Variants in SEMA6B observed in about 807,000 individuals in gnomAD.
SEMA6B encodes semaphorin-6B.
Under a neutral mutation model 78.6 loss-of-function variants are expected in SEMA6B, and 47 were observed. The ratio of observed to expected loss-of-function variants is 0.60; its 90% confidence interval spans 0.47 to 0.76. SEMA6B has a LOEUF of 0.76. SEMA6B is among the 30% of genes least tolerant of loss of function. The pLI is 0.00. For synonymous variants in SEMA6B, 632 were observed against 592.2 expected (o/e 1.07, Z -0.98); for missense variants, 1,213 against 1,269.9 (o/e 0.96, Z 0.68).
chr19:4,544,503 C>T lies in SEMA6B; in HGVS notation c.1765G>A (p.Asp589Asn), dbSNP rs766674899. Residue 589 changes from aspartate to asparagine, a missense_variant, in exon 17 of 17, where the codon GAC becomes AAC. By Grantham distance (23) the Asp-to-Asn change is conservative. Transcript: ENST00000586582. This position sits in a 1 kb window ranked among gnomAD's most constrained non-coding sequence, Gnocchi z 5.1. ...TGLLRASLSE[D>N]RAGLVSVNLL... ...TTCACCGACACCAGCCCCGCGCGGT[C>T]CTCGGAGAGGCTGGCCCGCAGGAGT... is the stretch of plus-strand genomic sequence containing the variant. 42 of 1,563,094 alleles carry T rather than the reference C, an allele frequency of 2.7e-5. No individual in the cohort carries two copies. The highest frequency in any genetic ancestry group is 3.4e-5 in the Non-Finnish European group (39 of 1,153,796).
Position 4,555,690 on chromosome 19 carries a change from C to T in SEMA6B, c.472-126G>A. On this transcript the variant is annotated intron_variant, in intron 6 of 16. Coordinates refer to ENST00000586582, the MANE Select transcript of SEMA6B (RefSeq NM_032108.4). This position sits in a 1 kb window ranked among gnomAD's most constrained non-coding sequence, Gnocchi z 6.1. ...GGATTACTGTGTGACCTTGGCCACT[C>T]ACTTAACCTCTCAGGGCCTCAGTTT... 1.3e-6 allele frequency: 1 copy of T among 782,434 alleles called. No homozygotes were observed. 48.5% of individuals were successfully genotyped at this position (782,434 alleles called of 1,614,324 possible).
At chr19:4,557,318 T>A (rs1238140810) in intron 3 of SEMA6B, 95 bp from the exon 4 acceptor site, 16 of 807,790 alleles carry the variant, frequency 2.0e-5, no homozygotes, top group Non-Finnish European at 3.1e-5. Context: ...CACGGGGGCA[T>A]GCAGGGCCAT....
In SEMA6B at chr19:4,550,763, T is replaced by A; in HGVS notation, c.1121+36A>T. ...CTCGGCCCTGGGGATCAGGACCTCA[T>A]CCGGGCATGTGACTCAGGATGGAGG... On this transcript the variant is annotated intron_variant, in intron 11 of 16. Transcript: ENST00000586582. The surrounding 1 kb of genome is among the most constrained non-coding windows in gnomAD (Gnocchi z 6.6). The A allele has an allele frequency of 6.2e-7, 1 of 1,610,700 alleles. No homozygotes were observed.
chr19:4,556,278 C>A (rs1977467510), intron 5 of SEMA6B, among the ~76,000 whole-genome samples, 189 bp from the exon 6 acceptor site: 1 of 152,098 alleles, frequency 6.6e-6, no homozygotes, highest in Non-Finnish European at 1.5e-5. Context: ...ATCAGCAACG[C>A]AGGCAAGGCC....
chr19:4,543,502 G>A lies in SEMA6B; in HGVS notation c.*99C>T, dbSNP rs996509911. 2.9e-5 allele frequency: 15 copies of A among 519,336 alleles called. No individual in the cohort carries two copies. The highest frequency in any genetic ancestry group is 4.1e-5 in the Non-Finnish European group (14 of 337,790). The allele number at this position is 519,336 out of a possible 1,614,324, so 32.2% of individuals were successfully genotyped here. On this transcript the variant is annotated 3_prime_UTR_variant, in exon 17 of 17. Transcript: ENST00000586582. Reference sequence around the variant, plus strand: ...CGGGTGGGTCGCGGGGGGGACTTGAGCACCCACTCGGAGTTGCCCCGGGCC... The same window carrying A: ...CGGGTGGGTCGCGGGGGGGACTTGAACACCCACTCGGAGTTGCCCCGGGCC...
chr19:4,558,250 G>T lies in SEMA6B; in HGVS notation c.121+87C>A. On this transcript the variant is annotated intron_variant, in intron 2 of 16. Coordinates refer to ENST00000586582, the MANE Select transcript of SEMA6B (RefSeq NM_032108.4). The surrounding 1 kb of genome is among the most constrained non-coding windows in gnomAD (Gnocchi z 5.1). ...TAGGGGTGGCTCCTGGACTGCTTGA[G>T]TCCCCCAGTGGGGGCAGCAGACCCA... The T allele has an allele frequency of 7.7e-7, 1 of 1,304,024 alleles. No individual in the cohort carries two copies. The highest frequency in any genetic ancestry group is 9.8e-7 in the Non-Finnish European group (1 of 1,015,728). 80.8% of individuals were successfully genotyped at this position (1,304,024 alleles called of 1,614,324 possible). A position where few individuals can be genotyped will look rare whatever the true frequency, so the allele number is the denominator to read the frequency against.
chr19:4,544,540 A>C lies in SEMA6B; in HGVS notation c.1739-11T>G. 1 of 1,483,196 alleles carries C rather than the reference A, an allele frequency of 6.7e-7. No homozygotes were observed. Among genetic ancestry groups the C allele is most frequent in the Non-Finnish European group, 9.0e-7 (1 of 1,110,034 alleles). 91.9% of individuals were successfully genotyped at this position (1,483,196 alleles called of 1,614,324 possible). On this transcript the variant is annotated splice_polypyrimidine_tract_variant and intron_variant, in intron 16 of 16. Transcript: ENST00000586582. This position sits in a 1 kb window ranked among gnomAD's most constrained non-coding sequence, Gnocchi z 5.1. ...TGGCCCGCAGGAGTCCTGGCCGGGG[A>C]GCACAGGGGGGTTAGTGGGGCCGGC...
In SEMA6B at chr19:4,544,290, G is replaced by T; in HGVS notation, c.1978C>A (p.Gln660Lys). ...CCTCCGCCCCGGCCCCCGGGACCCT[G>T]CGCCCTGCGCTCGCCCAGGCGGCTG... is the stretch of plus-strand genomic sequence containing the variant. ...SVSRLGERRA[Q>K]GPGGRGGGGG... The change falls in exon 17 of 17, where the codon CAG becomes AAG. Residue 660 changes from glutamine to lysine, a missense_variant. Coordinates refer to ENST00000586582, the MANE Select transcript of SEMA6B (RefSeq NM_032108.4). The surrounding 1 kb of genome is among the most constrained non-coding windows in gnomAD (Gnocchi z 5.1). The T allele has an allele frequency of 6.9e-7, 1 of 1,439,346 alleles. No homozygotes were observed. Among genetic ancestry groups the T allele is most frequent in the South Asian group, 1.4e-5 (1 of 71,988 alleles). The allele number at this position is 1,439,346 out of a possible 1,614,324, so 89.2% of individuals were successfully genotyped here.
rs578076870 is a variant in SEMA6B, at chr19:4,552,914, C to T, written c.772-275G>A. 1.9e-4 allele frequency among the ~76,000 whole-genome samples: 29 copies of T among 152,324 alleles called. No homozygotes were observed. Among genetic ancestry groups the T allele is most frequent in the African/African-American group, 5.5e-4 (23 of 41,560 alleles). ...ATTCTCACATCTCTTACACTCTTCC[C>T]GAGGGGGGCCTACTGATATCCCCCC... On this transcript the variant is annotated intron_variant, in intron 9 of 16. Transcript: ENST00000586582. This position sits in a 1 kb window ranked among gnomAD's most constrained non-coding sequence, Gnocchi z 7.4.
In SEMA6B at chr19:4,544,645, T is replaced by C. The variant is rs185754174; in HGVS notation, c.1739-116A>G. On this transcript the variant is annotated intron_variant, in intron 16 of 16. Transcript: ENST00000586582. The surrounding 1 kb of genome is among the most constrained non-coding windows in gnomAD (Gnocchi z 5.1). The stretch of plus-strand genomic sequence containing the variant: ...ATTATTTTTATTTTTTTTTATTTAT[T>C]TATTTTTTGAGAAGGAGTCTTCCTT... The C allele has an allele frequency of 3.6e-4, 203 of 569,920 alleles. 1 individual carries two copies. In the African/African-American group the frequency reaches 3.8e-3, roughly 11 times the overall value. 35.3% of individuals were successfully genotyped at this position (569,920 alleles called of 1,614,324 possible).
rs904441615 is a variant in SEMA6B at position 4,542,927 on chromosome 19, C to A, written c.*674G>T. The A allele has an allele frequency of 1.7e-5, 12 of 700,886 alleles. No individual in the cohort carries two copies. Among genetic ancestry groups the A allele is most frequent in the African/African-American group, 5.2e-5 (3 of 57,156 alleles). 43.4% of individuals were successfully genotyped at this position (700,886 alleles called of 1,614,324 possible). A position where few individuals can be genotyped will look rare whatever the true frequency, so the allele number is the denominator to read the frequency against. On this transcript the variant is annotated 3_prime_UTR_variant, in exon 17 of 17. Transcript: ENST00000586582. ...AGTGGGGGGGGTTCAAACTCCTAAC[C>A]GGCACCTCGGAGACCCCCGGGCCTT...
At chr19:4,554,319 TC>T (rs1599781028) in intron 9 of SEMA6B, 68 bp downstream of exon 9, 2 of 1,253,270 alleles carry the variant, frequency 1.6e-6, no homozygotes, top group East Asian at 4.6e-5. Flanking sequence ...GATTCATGGA[TC>T]CACCTCTGCC....
rs1223471788 is a variant in SEMA6B at position 4,559,621 on chromosome 19, T to A, written c.-124A>T. 2 of 152,176 alleles carry A rather than the reference T, an allele frequency of 1.3e-5. No individual in the cohort carries two copies. The highest frequency in any genetic ancestry group is 4.8e-5 in the African/African-American group (2 of 41,420). The allele number at this position is 152,176 out of a possible 1,614,324, so 9.4% of individuals were successfully genotyped here. On this transcript the variant is annotated 5_prime_UTR_variant, in exon 1 of 17. It removes an upstream start codon present in the reference 5' UTR. Coordinates refer to ENST00000586582, the MANE Select transcript of SEMA6B (RefSeq NM_032108.4). ...AAGTATTGGGCAAGCTCCGAGCCCA[T>A]TTTCCTGTCTGAGCAGCAGGGGTAT...
Position 4,543,968 on chromosome 19 carries a change from TC to T in SEMA6B, c.2299del (p.Glu767SerfsTer63). The T allele has an allele frequency of 8.3e-7, 1 of 1,201,352 alleles. No homozygotes were observed. Among genetic ancestry groups the T allele is most frequent in the Non-Finnish European group, 1.0e-6 (1 of 968,868 alleles). 74.4% of individuals were successfully genotyped at this position (1,201,352 alleles called of 1,614,324 possible). A position where few individuals can be genotyped will look rare whatever the true frequency, so the allele number is the denominator to read the frequency against. ...RAPEQPPAPG[E>X]PTPDGRLYAA... is the part of the protein sequence containing the mutation. Reference sequence around the variant, plus strand: ...ATAGAGGCGGCCGTCGGGGGTCGGCTCCCCAGGCGCGGGGGGCTGCTCGGGG... The same window carrying T: ...ATAGAGGCGGCCGTCGGGGGTCGGCTCCCAGGCGCGGGGGGCTGCTCGGGG... On this transcript the variant is annotated frameshift_variant, in exon 17 of 17. Transcript: ENST00000586582. LOFTEE classifies it high-confidence loss of function.
chr19:4,550,849 G>A lies in SEMA6B; in HGVS notation c.1071C>T (p.Ser357=). The A allele has an allele frequency of 6.2e-7, 1 of 1,613,562 alleles. No individual in the cohort carries two copies. Among genetic ancestry groups the A allele is most frequent in the Non-Finnish European group, 8.5e-7 (1 of 1,180,008 alleles). ...VFEGRFREQK[S]PESIWTPVPE... The stretch of plus-strand genomic sequence containing the variant: ...GCACCGGCGTCCAGATGGACTCGGG[G>A]GACTTCTGCTCTCGGAAGCGGCCTT... The change falls in exon 11 of 17, where the codon TCC becomes TCT. Residue 357 remains serine (S), a synonymous_variant. Coordinates refer to ENST00000586582, the MANE Select transcript of SEMA6B (RefSeq NM_032108.4). This position sits in a 1 kb window ranked among gnomAD's most constrained non-coding sequence, Gnocchi z 6.6.
chr19:4,543,936 G>C lies in SEMA6B; in HGVS notation c.2332C>G (p.Arg778Gly). Residue 778 changes from arginine (R) to glycine (G), a missense_variant, in exon 17 of 17, where the codon CGG becomes GGG. Transcript: ENST00000586582. ...TCGCCGTGGGAGGCGCGGCCGGGCC[G>C]GGCAGCATAGAGGCGGCCGTCGGGG... ...PTPDGRLYAA[R>G]PGRASHGDFP... The C allele has an allele frequency of 4.2e-6, 5 of 1,201,510 alleles. No homozygotes were observed. The highest frequency in any genetic ancestry group is 4.1e-5 in the South Asian group (1 of 24,124). 74.4% of individuals were successfully genotyped at this position (1,201,510 alleles called of 1,614,324 possible).
Position 4,555,633 on chromosome 19 carries a change from C to T in SEMA6B, c.472-69G>A, listed in dbSNP as rs1568258101. ...CCTAGCAGCCCCTGGCTCCCTCAGC[C>T]CCCCACTCCAGGGGGAATCCTGATC... is the stretch of plus-strand genomic sequence containing the variant. On this transcript the variant is annotated intron_variant, in intron 6 of 16. Coordinates refer to ENST00000586582, the MANE Select transcript of SEMA6B (RefSeq NM_032108.4). This position sits in a 1 kb window ranked among gnomAD's most constrained non-coding sequence, Gnocchi z 6.1. The T allele has an allele frequency of 7.7e-7, 1 of 1,293,666 alleles. No homozygotes were observed. Among genetic ancestry groups the T allele is most frequent in the Non-Finnish European group, 1.1e-6 (1 of 910,980 alleles). 80.1% of individuals were successfully genotyped at this position (1,293,666 alleles called of 1,614,324 possible).
chr19:4,553,379 G>GTGGATGGATGGA (rs529191124), intron 9 of SEMA6B, among the ~76,000 whole-genome samples: 16,709 of 116,448 alleles, frequency 0.14, 2,424 homozygotes, highest in African/African-American at 0.28. Context: ...GGATGGGTGA[G>GTGGATGGATGGA]TGGATGGATG....
chr19:4,557,315 G>A (rs1977500561), intron 3 of SEMA6B, 92 bp from the exon 4 acceptor site: 7 of 841,208 alleles, frequency 8.3e-6, no homozygotes, highest in Non-Finnish European at 1.1e-5. Flanking sequence ...GCACACGGGG[G>A]CATGCAGGGC....
Sources: gnomAD v4.1 joint callset for allele counts (sites outside exome capture counted in the v4.1 genomes callset) on GRCh38, gnomAD v4.1.1 for gene constraint, Gnocchi (gnomAD v3.1) non-coding constraint, MANE v1.5 for transcripts, NCBI Gene and HGNC (gene_info 2026-07-23, HGNC 2026-07-21) for gene names.